Variants in GAN observed in about 807,000 individuals in gnomAD.
GAN encodes the protein gigaxonin.
In GAN, 48 loss-of-function variants were observed where a neutral mutation model predicts 71.3. The observed-to-expected ratio is 0.67, with a 90% CI of 0.53 to 0.86. The LOEUF is 0.86. GAN is among the 40% of genes least tolerant of loss of function. GAN has a pLI of 0.00. For missense variants in GAN, 928 were observed against 770.1 expected (o/e 1.21, Z -2.43); for synonymous variants, 386 against 276.8 (o/e 1.39, Z -3.92).
rs1261575070 is a variant in GAN, at chr16:81,387,523, T to TG, written c.*9928dup. On this transcript the variant is annotated 3_prime_UTR_variant, in exon 11 of 11. Coordinates refer to ENST00000648994, the MANE Select transcript of GAN (RefSeq NM_022041.4). ...GTCCTGACCCCTCTTGCCTTGTTTTTGATCTGCTCAGGCCGGGTGCAGTGG... is the reference window on the plus strand; with the variant it reads ...GTCCTGACCCCTCTTGCCTTGTTTTTGGATCTGCTCAGGCCGGGTGCAGTGG... 2.0e-5 allele frequency: 3 copies of TG among 152,750 alleles called. No homozygotes were observed. The highest frequency in any genetic ancestry group is 4.4e-5 in the Non-Finnish European group (3 of 68,406). The allele number at this position is 152,750 out of a possible 1,614,324, so 9.5% of individuals were successfully genotyped here.
In GAN at chr16:81,378,481, G is replaced by C. The variant is rs1026064655; in HGVS notation, c.*885G>C. The C allele has an allele frequency of 3.3e-5, 5 of 152,116 alleles. No homozygotes were observed. Among genetic ancestry groups the C allele is most frequent in the African/African-American group, 9.7e-5 (4 of 41,428 alleles). 9.4% of individuals were successfully genotyped at this position (152,116 alleles called of 1,614,324 possible). On this transcript the variant is annotated 3_prime_UTR_variant, in exon 11 of 11. Coordinates refer to ENST00000648994, the MANE Select transcript of GAN (RefSeq NM_022041.4). ...AGACCTGAGTCAGACAAATAATAAAGGTCTGCTGTGGCTAAAAAAGCAAAA... is the reference window on the plus strand; with the variant it reads ...AGACCTGAGTCAGACAAATAATAAACGTCTGCTGTGGCTAAAAAAGCAAAA...
chr16:81,324,380 C>T (rs370277624), intron 1 of GAN, among the ~76,000 whole-genome samples: 5 of 152,122 alleles, frequency 3.3e-5, no homozygotes, highest in Middle Eastern at 3.4e-3. Flanking sequence ...GCCTGGGTGA[C>T]GGGATCCCTG....
At chr16:81,372,120 C>T (rs1398747536) in intron 9 of GAN, 2 of 152,204 alleles carry the variant, frequency 1.3e-5, no homozygotes, top group Non-Finnish European at 2.9e-5. Context: ...CTCTGAAGTT[C>T]ACTGTTGTAA....
intron 9 of GAN, among the ~76,000 whole-genome samples, chr16:81,376,515 G>GTGTA (rs1555512689): frequency 4.4e-4 from 61 of 137,756 alleles, no homozygotes; most frequent in Non-Finnish European, 7.6e-4. Flanking sequence ...GTGTGTATGT[G>GTGTA]TGTGTGTATA....
chr16:81,375,300 GAC>G (rs1346534713), intron 9 of GAN, among the ~76,000 whole-genome samples: 1 of 143,530 alleles, frequency 7.0e-6, no homozygotes, highest in Non-Finnish European at 1.5e-5. Context: ...AAAATTTAGA[GAC>G]AGTCTTGCTA....
chr16:81,377,145 G>T, intron 9 of GAN, 74 bp from the exon 10 acceptor site: 1 of 909,418 alleles, frequency 1.1e-6, no homozygotes, highest in Non-Finnish European at 1.9e-6. Context: ...CACCAAGCTT[G>T]CTGTGTCAGT....
chr16:81,339,680 AAT>A (rs769583441), intron 1 of GAN, among the ~76,000 whole-genome samples: 3 of 152,198 alleles, frequency 2.0e-5, no homozygotes, highest in Non-Finnish European at 4.4e-5. Flanking sequence ...TCATAACAGG[AAT>A]CTATTTTTAC....
At chr16:81,369,241 A>G (rs959320194) in intron 9 of GAN, among the ~76,000 whole-genome samples, 1 of 152,210 alleles carries the variant, frequency 6.6e-6, no homozygotes, top group Non-Finnish European at 1.5e-5. Flanking sequence ...TGACACATGG[A>G]TTGGGAGCCA....
At chr16:81,348,125 C>T (rs950514595) in intron 1 of GAN, among the ~76,000 whole-genome samples, 1 of 152,172 alleles carries the variant, frequency 6.6e-6, no homozygotes. Context: ...TAGGCATGAG[C>T]CATGTGCTCA....
intron 9 of GAN, among the ~76,000 whole-genome samples, chr16:81,370,420 T>G (rs1166250601): frequency 6.6e-6 from 1 of 152,204 alleles, no homozygotes; most frequent in Non-Finnish European, 1.5e-5. Flanking sequence ...TATATGTAAT[T>G]ACCACTAGTA....
intron 9 of GAN, among the ~76,000 whole-genome samples, chr16:81,366,496 A>G (rs1448569375): frequency 6.6e-6 from 1 of 152,188 alleles, no homozygotes; most frequent in Admixed American, 6.5e-5. Flanking sequence ...TGCTAAACGT[A>G]ATTTTATTAG....
chr16:81,367,818 G>C (rs905882484), intron 9 of GAN, among the ~76,000 whole-genome samples: 1 of 152,184 alleles, frequency 6.6e-6, no homozygotes, highest in African/African-American at 2.4e-5. Flanking sequence ...AAGCTGAGGT[G>C]GGATCTGAAC....
rs1156476560 is a variant in GAN, at chr16:81,384,646, T to G, written c.*7050T>G. The G allele has an allele frequency of 2.6e-5, 4 of 152,220 alleles. No individual in the cohort carries two copies. The highest frequency in any genetic ancestry group is 9.6e-5 in the African/African-American group (4 of 41,456). 9.4% of individuals were successfully genotyped at this position (152,220 alleles called of 1,614,324 possible). A position where few individuals can be genotyped will look rare whatever the true frequency, so the allele number is the denominator to read the frequency against. On this transcript the variant is annotated 3_prime_UTR_variant, in exon 11 of 11. Coordinates refer to ENST00000648994, the MANE Select transcript of GAN (RefSeq NM_022041.4). Reference sequence around the variant, plus strand: ...ATTTTGATGAAAATCTACTCATTGCTAAGATCCTCCTCACTTAAAGTGTTT... The same window carrying G: ...ATTTTGATGAAAATCTACTCATTGCGAAGATCCTCCTCACTTAAAGTGTTT...
chr16:81,369,932 T>C (rs8054106), intron 9 of GAN, among the ~76,000 whole-genome samples: 101,470 of 152,162 alleles, frequency 0.67, 34,086 homozygotes, highest in East Asian at 0.87. Flanking sequence ...GTGATCATAC[T>C]GATCCCAAAT....
chr16:81,389,965 T>C lies in GAN; in HGVS notation c.*12369T>C, dbSNP rs77756097. ...CACACCAATCTGTTGAACATATCTG[T>C]GTTTTCTGACATGGGACCTGCAGAA... On this transcript the variant is annotated 3_prime_UTR_variant, in exon 11 of 11. Transcript: ENST00000648994. The C allele has an allele frequency of 8.5e-5, 13 of 152,340 alleles. No homozygotes were observed. In the East Asian group the frequency reaches 2.1e-3, roughly 25 times the overall value. The allele number at this position is 152,340 out of a possible 1,614,324, so 9.4% of individuals were successfully genotyped here.
At chr16:81,357,148 C>T (rs1910517826) in intron 4 of GAN, 146 bp downstream of exon 4, 2 of 686,968 alleles carry the variant, frequency 2.9e-6, no homozygotes, top group African/African-American at 1.8e-5. Context: ...GGTACATGTG[C>T]ACAATGTGCA....
chr16:81,354,798 C>G, intron 3 of GAN, 43 bp downstream of exon 3: 2 of 1,113,710 alleles, frequency 1.8e-6, no homozygotes, highest in South Asian at 1.3e-5. Flanking sequence ...CTTTTTATTT[C>G]TTTTTAATTC....
Position 81,387,211 on chromosome 16 carries a change from G to C in GAN, c.*9615G>C, listed in dbSNP as rs569698433. ...GTAATGGCTAAATGTAAAGTCTTAC[G>C]TCTCGGTTCAAGAAAGCACGTTGCT... is the stretch of plus-strand genomic sequence containing the variant. On this transcript the variant is annotated 3_prime_UTR_variant, in exon 11 of 11. Transcript: ENST00000648994. 6.6e-6 allele frequency: 1 copy of C among 152,188 alleles called. No homozygotes were observed. The highest frequency in any genetic ancestry group is 2.4e-5 in the African/African-American group (1 of 41,444). The allele number at this position is 152,188 out of a possible 1,614,324, so 9.4% of individuals were successfully genotyped here.
At chr16:81,351,426 A>G (rs1272098282) in intron 1 of GAN, among the ~76,000 whole-genome samples, 157 bp from the exon 2 acceptor site, 1 of 152,244 alleles carries the variant, frequency 6.6e-6, no homozygotes, top group Non-Finnish European at 1.5e-5. Context: ...GTTGAAAGTT[A>G]TAGAAATACA....
Sources: gnomAD v4.1 joint callset for allele counts (sites outside exome capture counted in the v4.1 genomes callset) on GRCh38, gnomAD v4.1.1 for gene constraint, MANE v1.5 for transcripts, NCBI Gene and HGNC (gene_info 2026-07-23, HGNC 2026-07-21) for gene names.